ZNF296: variants seen among roughly 807,000 people sequenced by gnomAD.
The protein encoded by ZNF296 is zinc finger protein 342.
A neutral mutation model predicts 13.2 loss-of-function variants in ZNF296; 1 was observed. The observed-to-expected ratio is 0.08, with a 90% CI of 0.03 to 0.36. The LOEUF (loss-of-function observed/expected upper bound fraction) is 0.36. Ranked by LOEUF, ZNF296 falls within the 10% of genes least tolerant of loss-of-function variation. ZNF296 has a pLI of 0.99. For synonymous variants in ZNF296, 303 were observed against 289.0 expected, an observed-to-expected ratio of 1.05 and a Z score of -0.49; for missense variants, 555 against 688.2, an observed-to-expected ratio of 0.81 and a Z score of 2.16.
At chr19:45,073,604 C>T (rs534949120) in intron 2 of ZNF296, among the ~76,000 whole-genome samples, 2 of 151,312 alleles carry the variant, frequency 1.3e-5, no homozygotes, top group African/African-American at 2.4e-5. Flanking sequence ...AGCCACCGCA[C>T]CCGGCCGCCC....
chr19:45,071,966 T>A lies in ZNF296; in HGVS notation c.1063A>T (p.Ile355Phe), dbSNP rs1967263670. 6.2e-7 allele frequency: 1 copy of A among 1,613,704 alleles called. No individual in the cohort carries two copies. The highest frequency in any genetic ancestry group is 1.3e-5 in the African/African-American group (1 of 75,056). ...GGGTCAGTTCTTTGTTCCGTGGTGATGGCTCCCCAAGTGTCTCCACCAGGG... is the reference window on the plus strand; with the variant it reads ...GGGTCAGTTCTTTGTTCCGTGGTGAAGGCTCCCCAAGTGTCTCCACCAGGG... ...AGPGGDTWGA[I>F]TTEQRTDPAN... The change falls in exon 3 of 3, where the codon ATC becomes TTC. Residue 355 changes from isoleucine (I) to phenylalanine (F), a missense_variant. Coordinates refer to ENST00000303809, the MANE Select transcript of ZNF296 (RefSeq NM_145288.3).
Position 45,076,213 on chromosome 19 carries a change from T to C in ZNF296, c.161A>G (p.Lys54Arg), listed in dbSNP as rs774551732. Residue 54 changes from lysine (K) to arginine (R), a missense_variant, in exon 1 of 3, where the codon AAG (lysine) becomes AGG (arginine). Coordinates refer to ENST00000303809, the MANE Select transcript of ZNF296 (RefSeq NM_145288.3). The surrounding 1 kb of genome is among the most constrained non-coding windows in gnomAD (Gnocchi z 4.9). ...QAPRLGPFSP[K>R]EVSSAGRFGG... The stretch of plus-strand genomic sequence containing the variant: ...GAACCGCCCCGCCGAGGACACCTCC[T>C]TCGGGGAGAAGGGCCCCAGCCTTGG... The C allele has an allele frequency of 9.3e-6, 14 of 1,506,172 alleles. No individual in the cohort carries two copies. Among genetic ancestry groups the C allele is most frequent in the South Asian group, 1.3e-5 (1 of 75,510 alleles). The allele number at this position is 1,506,172 out of a possible 1,614,324, so 93.3% of individuals were successfully genotyped here.
Position 45,071,625 on chromosome 19 carries a change from G to T in ZNF296, c.1404C>A (p.His468Gln). The T allele has an allele frequency of 6.6e-7, 1 of 1,526,112 alleles. No individual in the cohort carries two copies. 94.5% of individuals were successfully genotyped at this position (1,526,112 alleles called of 1,614,324 possible). Residue 468 changes from histidine to glutamine, a missense_variant, in exon 3 of 3, where the codon CAC becomes CAA. Coordinates refer to ENST00000303809, the MANE Select transcript of ZNF296 (RefSeq NM_145288.3). ...CTCAGGCCTCGCCGGCCGCCTCAGG[G>T]TGCTTCTGCCGCAGGTGTTTGTCCA... ...ATLDKHLRQK[H>Q]PEAAGEA
chr19:45,075,126 C>T (rs1967320270), intron 2 of ZNF296, among the ~76,000 whole-genome samples: 1 of 152,236 alleles, frequency 6.6e-6, no homozygotes, highest in African/African-American at 2.4e-5. Flanking sequence ...AGAAGGAACC[C>T]GGGTGTCCAG....
intron 2 of ZNF296, among the ~76,000 whole-genome samples, chr19:45,074,781 C>T (rs1967313836): frequency 6.6e-6 from 1 of 152,194 alleles, no homozygotes; most frequent in Non-Finnish European, 1.5e-5. Flanking sequence ...CACATAAGCG[C>T]TCAAACAGCA....
At chr19:45,074,743 G>A (rs1259741216) in intron 2 of ZNF296, among the ~76,000 whole-genome samples, 2 of 152,104 alleles carry the variant, frequency 1.3e-5, no homozygotes, top group South Asian at 2.1e-4. Context: ...TTGTGACCTC[G>A]CTTGGGGAAT....
intron 2 of ZNF296, among the ~76,000 whole-genome samples, 175 bp downstream of exon 2, chr19:45,075,538 G>A (rs1266442746): frequency 1.1e-5 from 1 of 92,294 alleles, no homozygotes; most frequent in Non-Finnish European, 2.3e-5. Flanking sequence ...CCCCTCCACC[G>A]CCACCACTGG....
intron 2 of ZNF296, among the ~76,000 whole-genome samples, chr19:45,075,331 G>C (rs970744567): frequency 3.3e-5 from 5 of 152,040 alleles, no homozygotes; most frequent in African/African-American, 1.2e-4. Context: ...CCCTCCCCCC[G>C]GCCGCTGCCC....
In ZNF296 at chr19:45,076,394, G is replaced by A. The variant is rs1241161907; in HGVS notation, c.-21C>T. 4 of 1,252,200 alleles carry A rather than the reference G, an allele frequency of 3.2e-6. No individual in the cohort carries two copies. Among genetic ancestry groups the A allele is most frequent in the Non-Finnish European group, 2.0e-6 (2 of 998,486 alleles). The allele number at this position is 1,252,200 out of a possible 1,614,324, so 77.6% of individuals were successfully genotyped here. A position where few individuals can be genotyped will look rare whatever the true frequency, so the allele number is the denominator to read the frequency against. On this transcript the variant is annotated 5_prime_UTR_variant, in exon 1 of 3. Coordinates refer to ENST00000303809, the MANE Select transcript of ZNF296 (RefSeq NM_145288.3). This position sits in a 1 kb window ranked among gnomAD's most constrained non-coding sequence, Gnocchi z 4.9. ...GACATGAGTCGCGGGCCGGGCGAGC[G>A]AGCGGGCGGGCAGGCAGGCAGGCGG...
In ZNF296 at chr19:45,076,035, C is replaced by A. The variant is rs1967340885; in HGVS notation, c.298+41G>T. ...AAAGGGAAGGGTCCCACCCGAGGGT[C>A]AAAGGTAAGGGAGGCTGGGCCCAGG... On this transcript the variant is annotated intron_variant, in intron 1 of 2. Transcript: ENST00000303809. This position sits in a 1 kb window ranked among gnomAD's most constrained non-coding sequence, Gnocchi z 4.9. 6 of 1,571,462 alleles carry A rather than the reference C, an allele frequency of 3.8e-6. No homozygotes were observed. The highest frequency in any genetic ancestry group is 5.2e-6 in the Non-Finnish European group (6 of 1,164,322).
At chr19:45,075,661 A>T in intron 2 of ZNF296, 52 bp downstream of exon 2, 1 of 1,599,356 alleles carries the variant, frequency 6.3e-7, no homozygotes, top group Non-Finnish European at 8.5e-7. Flanking sequence ...CCTTTCCAGC[A>T]GGAAGCCCAG....
At chr19:45,073,433 C>T (rs887084919) in intron 2 of ZNF296, among the ~76,000 whole-genome samples, 26 of 146,410 alleles carry the variant, frequency 1.8e-4, no homozygotes, top group Admixed American at 1.6e-3. Flanking sequence ...TGCAGTGGCG[C>T]GATCTCGGCT....
chr19:45,074,298 T>C (rs1314387115), intron 2 of ZNF296, among the ~76,000 whole-genome samples: 1 of 151,842 alleles, frequency 6.6e-6, no homozygotes, highest in African/African-American at 2.4e-5. Context: ...GAGGCGGAGG[T>C]TGCAGTGAGC....
At chr19:45,075,520 C>A in intron 2 of ZNF296, among the ~76,000 whole-genome samples, 193 bp downstream of exon 2, 1 of 140,804 alleles carries the variant, frequency 7.1e-6, no homozygotes, top group African/African-American at 2.5e-5. Flanking sequence ...CCCAGTCCCC[C>A]CCCGCCCCCC....
chr19:45,072,884 CTAGAGTAGCT>C (rs1967283084), intron 2 of ZNF296, among the ~76,000 whole-genome samples: 2 of 152,182 alleles, frequency 1.3e-5, no homozygotes, highest in African/African-American at 4.8e-5. Flanking sequence ...GCCTCAGCCT[CTAGAGTAGCT>C]GGGATTACAG....
chr19:45,072,227 A>C lies in ZNF296; in HGVS notation c.802T>G (p.Cys268Gly), dbSNP rs754481258. The C allele has an allele frequency of 6.2e-7, 1 of 1,612,408 alleles. No homozygotes were observed. The highest frequency in any genetic ancestry group is 8.5e-7 in the Non-Finnish European group (1 of 1,179,202). Reference sequence around the variant, plus strand: ...CGGTTGAGCTTGCTGCTCTGGGCGCAGGCGTAGGGACACTGGTCGCAAGCA... The same window carrying C: ...CGGTTGAGCTTGCTGCTCTGGGCGCCGGCGTAGGGACACTGGTCGCAAGCA... ...PYACDQCPYA[C>G]AQSSKLNRHK... Residue 268 changes from cysteine to glycine, a missense_variant, in exon 3 of 3, where the codon TGC (cysteine) becomes GGC (glycine). Physicochemically the swap from Cys to Gly is radical, Grantham distance 159. Transcript: ENST00000303809.
chr19:45,072,408 C>T lies in ZNF296; in HGVS notation c.621G>A (p.Ser207=), dbSNP rs767235691. The part of the protein sequence containing the change: ...LGLAEVAAAV[S]AVVGPAAEAK... ...CCTCAGCTGCTGGCCCCACCACTGCCGACACGGCTGCAGCCACCTCGGCCA... is the reference window on the plus strand; with the variant it reads ...CCTCAGCTGCTGGCCCCACCACTGCTGACACGGCTGCAGCCACCTCGGCCA... The change falls in exon 3 of 3, where the codon TCG becomes TCA. Residue 207 remains serine (S), a synonymous_variant. Coordinates refer to ENST00000303809, the MANE Select transcript of ZNF296 (RefSeq NM_145288.3). The T allele has an allele frequency of 6.8e-6, 11 of 1,612,406 alleles. No homozygotes were observed. The highest frequency in any genetic ancestry group is 2.7e-5 in the African/African-American group (2 of 74,928).
chr19:45,075,169 C>A (rs537258632), intron 2 of ZNF296, among the ~76,000 whole-genome samples: 1 of 152,348 alleles, frequency 6.6e-6, no homozygotes, highest in East Asian at 1.9e-4. Context: ...AGGGGATTCC[C>A]AGCACGCGGG....
chr19:45,073,353 C>A (rs1055552290), intron 2 of ZNF296, among the ~76,000 whole-genome samples: 1 of 150,056 alleles, frequency 6.7e-6, no homozygotes, highest in African/African-American at 2.4e-5. Flanking sequence ...GAGATGGGGT[C>A]CTGCTATGTT....
Sources: allele counts gnomAD v4.1 joint callset (sites outside exome capture counted in the v4.1 genomes callset), GRCh38; gene constraint gnomAD v4.1.1; non-coding constraint Gnocchi (gnomAD v3.1); transcripts MANE v1.5; gene names NCBI Gene and HGNC (gene_info 2026-07-23, HGNC 2026-07-21).